EWSR1: variants seen among roughly 807,000 people sequenced by gnomAD.
EWSR1 encodes EWS RNA binding protein 1.
In EWSR1, 14 loss-of-function variants were observed where a neutral mutation model predicts 92.1. That is an observed-to-expected ratio of 0.15 (90% confidence interval 0.10 to 0.24). The LOEUF is 0.24. EWSR1 is among the 10% of genes least tolerant of loss of function. The pLI, the probability that EWSR1 is intolerant of heterozygous loss-of-function variation, is 1.00. For synonymous variants in EWSR1, 303 were observed against 292.9 expected (o/e 1.03, Z -0.35); for missense variants, 637 against 870.9 (o/e 0.73, Z 3.38).
At chr22:29,279,282 C>A (rs1229224818) in intron 5 of EWSR1, among the ~76,000 whole-genome samples, 4 of 152,118 alleles carry the variant, frequency 2.6e-5, no homozygotes, top group African/African-American at 4.8e-5. Context: ...TTCACACAGG[C>A]AGGAGGGGAA....
chr22:29,299,168 C>T (rs1341958786), intron 14 of EWSR1, 66 bp from the exon 15 acceptor site: 1 of 1,613,428 alleles, frequency 6.2e-7, no homozygotes, highest in Non-Finnish European at 8.5e-7. Context: ...TGTTCACACA[C>T]CACCTTTCCT....
At position 29,299,623 on chromosome 22, in the gene EWSR1, C is replaced by T. The variant is rs1569126963; in HGVS notation, c.1703C>T (p.Pro568Leu). 6.2e-7 allele frequency: 1 copy of T among 1,606,098 alleles called. No homozygotes were observed. The highest frequency in any genetic ancestry group is 8.5e-7 in the Non-Finnish European group (1 of 1,175,734). The part of the protein sequence containing the change: ...PPGGDRGRGG[P>L]GGMRGGRGGL... The stretch of plus-strand genomic sequence containing the variant: ...GGTGGTGATCGTGGCAGAGGTGGCC[C>T]TGGTGGCATGCGGGGAGGAAGAGGT... Residue 568 changes from proline to leucine, a missense_variant, in exon 16 of 17, where the codon CCT becomes CTT. Physicochemically the swap from Pro to Leu is moderately conservative, Grantham distance 98. Coordinates refer to ENST00000397938, the MANE Select transcript of EWSR1 (RefSeq NM_005243.4).
intron 5 of EWSR1, 48 bp from the exon 6 acceptor site, chr22:29,282,342 A>C: frequency 6.7e-7 from 1 of 1,486,600 alleles, no homozygotes; most frequent in South Asian, 1.4e-5. Flanking sequence ...TTGACCAACC[A>C]CACAAAAAAA....
Position 29,300,286 on chromosome 22 carries a change from TTTAG to T in EWSR1, c.*127_*130del. The T allele has an allele frequency of 1.1e-6, 1 of 929,284 alleles. No individual in the cohort carries two copies. The allele number at this position is 929,284 out of a possible 1,614,324, so 57.6% of individuals were successfully genotyped here. A position where few individuals can be genotyped will look rare whatever the true frequency, so the allele number is the denominator to read the frequency against. On this transcript the variant is annotated 3_prime_UTR_variant, in exon 17 of 17. Coordinates refer to ENST00000397938, the MANE Select transcript of EWSR1 (RefSeq NM_005243.4). Reference sequence around the variant, plus strand: ...CATTATGATTATTCCTTGTCTGTACTTTAGTATTTTTCACCATTTGTGAAGAAAC... The same window carrying T: ...CATTATGATTATTCCTTGTCTGTACTTATTTTTCACCATTTGTGAAGAAAC...
rs1219706701 is a variant in EWSR1 at position 29,292,480 on chromosome 22, T to C, written c.1046-8T>C. On this transcript the variant is annotated splice_region_variant and splice_polypyrimidine_tract_variant and intron_variant, in intron 10 of 16. Coordinates refer to ENST00000397938, the MANE Select transcript of EWSR1 (RefSeq NM_005243.4). Reference sequence around the variant, plus strand: ...ATAATAATTCTCCTGTCTTGTTGTCTCTGAAAGGCCCACCTGTAGATCCAG... The same window carrying C: ...ATAATAATTCTCCTGTCTTGTTGTCCCTGAAAGGCCCACCTGTAGATCCAG... The C allele has an allele frequency of 1.3e-6, 2 of 1,591,406 alleles. No homozygotes were observed. The highest frequency in any genetic ancestry group is 2.7e-5 in the African/African-American group (2 of 74,506).
At chr22:29,285,869 GCT>G (rs1569087016) in intron 6 of EWSR1, among the ~76,000 whole-genome samples, 1 of 145,450 alleles carries the variant, frequency 6.9e-6, no homozygotes, top group Non-Finnish European at 1.5e-5. Flanking sequence ...ACGGAGTCTC[GCT>G]CTGTCGCCCA....
intron 5 of EWSR1, among the ~76,000 whole-genome samples, chr22:29,281,657 T>G (rs571514481): frequency 3.7e-4 from 57 of 152,190 alleles, no homozygotes; most frequent in Non-Finnish European, 7.1e-4. Flanking sequence ...CTCGGCTCAC[T>G]GCCAGCTCCG....
intron 12 of EWSR1, 135 bp downstream of exon 12, chr22:29,296,503 AG>A: frequency 1.1e-6 from 1 of 927,122 alleles, no homozygotes; most frequent in African/African-American, 1.6e-5. Flanking sequence ...TCCCTGCAGT[AG>A]TAGTAGCACC....
chr22:29,278,251 T>G, intron 5 of EWSR1, 35 bp downstream of exon 5: 1 of 1,594,502 alleles, frequency 6.3e-7, no homozygotes, highest in Non-Finnish European at 8.6e-7. Flanking sequence ...GTCAGTCTTA[T>G]GTTGGAGGGA....
In EWSR1 at chr22:29,298,732, G is replaced by C; in HGVS notation, c.1418-1G>C. ...GCTGTTTCTTGTTGTTCTTGTTGTA[G>C]GTCCAGGAGGCCCAGGAGGTCCTGG... On this transcript the variant is annotated splice_acceptor_variant, in intron 13 of 16. Coordinates refer to ENST00000397938, the MANE Select transcript of EWSR1 (RefSeq NM_005243.4). LOFTEE classifies it high-confidence loss of function. 1 of 1,613,124 alleles carries C rather than the reference G, an allele frequency of 6.2e-7. No individual in the cohort carries two copies. Among genetic ancestry groups the C allele is most frequent in the Non-Finnish European group, 8.5e-7 (1 of 1,179,864 alleles).
At position 29,300,377 on chromosome 22, in the gene EWSR1, T is replaced by G. The variant is rs1379000997; in HGVS notation, c.*216T>G. 2.0e-5 allele frequency: 10 copies of G among 505,226 alleles called. No homozygotes were observed. Among genetic ancestry groups the G allele is most frequent in the Admixed American group, 3.6e-5 (1 of 27,746 alleles). 31.3% of individuals were successfully genotyped at this position (505,226 alleles called of 1,614,324 possible). On this transcript the variant is annotated 3_prime_UTR_variant, in exon 17 of 17. Transcript: ENST00000397938. ...TTTTCTTCCTTCTTTTAAAAATGGT[T>G]GTTTAAGACTTTAACAATGGGAACC...
In EWSR1 at chr22:29,292,230, A is replaced by C. The variant is rs72547474; in HGVS notation, c.1045+61A>C. On this transcript the variant is annotated intron_variant, in intron 10 of 16. Coordinates refer to ENST00000397938, the MANE Select transcript of EWSR1 (RefSeq NM_005243.4). ...TTTGTAAATTAATGGTACAGAGGTA[A>C]ATGCATGCGTAGAGTTCAGCAGCCT... The C allele has an allele frequency of 4.7e-3, 7,011 of 1,486,130 alleles. 496 individuals are homozygous for C. In the Admixed American group the frequency reaches 0.11, roughly 24 times the overall value. 92.1% of individuals were successfully genotyped at this position (1,486,130 alleles called of 1,614,324 possible).
intron 1 of EWSR1, among the ~76,000 whole-genome samples, chr22:29,268,993 C>T (rs2058404332): frequency 6.6e-6 from 1 of 152,170 alleles, no homozygotes; most frequent in South Asian, 2.1e-4. Context: ...CTTCCCTCCT[C>T]CAGGGCCCCC....
At position 29,282,385 on chromosome 22, in the gene EWSR1, C is replaced by T. The variant is rs1426504244; in HGVS notation, c.414-5C>T. On this transcript the variant is annotated splice_polypyrimidine_tract_variant and splice_region_variant and intron_variant, in intron 5 of 16. Transcript: ENST00000397938. ...TTTAATTTTATTTATTATTTCTCCT[C>T]TTAGACCGCAGGATGGAAACAAGCC... 4 of 1,566,140 alleles carry T rather than the reference C, an allele frequency of 2.6e-6. No homozygotes were observed. Among genetic ancestry groups the T allele is most frequent in the East Asian group, 2.3e-5 (1 of 42,832 alleles).
At chr22:29,281,663 C>T (rs1383964970) in intron 5 of EWSR1, among the ~76,000 whole-genome samples, 2 of 152,122 alleles carry the variant, frequency 1.3e-5, no homozygotes, top group Non-Finnish European at 2.9e-5. Context: ...TCACTGCCAG[C>T]TCCGCCTCCT....
At chr22:29,272,178 C>G in intron 1 of EWSR1, 38 bp from the exon 2 acceptor site, 1 of 1,599,418 alleles carries the variant, frequency 6.3e-7, no homozygotes. Flanking sequence ...CTTGTTTCTG[C>G]TAACTTTACA....
intron 1 of EWSR1, among the ~76,000 whole-genome samples, chr22:29,270,102 T>TGC (rs2058547400): frequency 6.6e-6 from 1 of 152,166 alleles, no homozygotes; most frequent in Non-Finnish European, 1.5e-5. Flanking sequence ...ATTCCACAAA[T>TGC]TTGTCCTATG....
intron 11 of EWSR1, among the ~76,000 whole-genome samples, chr22:29,294,882 C>T (rs998559107): frequency 6.6e-6 from 1 of 150,540 alleles, no homozygotes; most frequent in Non-Finnish European, 1.5e-5. Context: ...CACTGCACTC[C>T]AGCCTGGCGA....
At chr22:29,278,882 C>G (rs2059336151) in intron 5 of EWSR1, among the ~76,000 whole-genome samples, 1 of 151,460 alleles carries the variant, frequency 6.6e-6, no homozygotes, top group South Asian at 2.1e-4. Flanking sequence ...GTAATCCCAG[C>G]TACTGGGGAG....
Sources: gnomAD v4.1 joint callset for allele counts (sites outside exome capture counted in the v4.1 genomes callset) on GRCh38, gnomAD v4.1.1 for gene constraint, MANE v1.5 for transcripts, NCBI Gene and HGNC (gene_info 2026-07-23, HGNC 2026-07-21) for gene names.